HSPA12A: variants seen among roughly 807,000 people sequenced by gnomAD.
HSPA12A encodes the protein heat shock protein family A (Hsp70) member 12A, also known as heat shock 70 kDa protein 12A.
In HSPA12A, 28 loss-of-function variants were observed where a neutral mutation model predicts 69.2. The ratio of observed to expected loss-of-function variants is 0.40; its 90% CI spans 0.30 to 0.55. The LOEUF is 0.55. Ranked by LOEUF, HSPA12A falls within the 20% of genes least tolerant of loss-of-function variation. The probability of loss-of-function intolerance (pLI) is 0.38; values close to 1 mark genes in which losing one functional copy is unlikely to be tolerated. For synonymous variants in HSPA12A, 345 were observed against 370.5 expected, an observed-to-expected ratio of 0.93 and a Z score of 0.79; for missense variants, 686 against 900.7, an observed-to-expected ratio of 0.76 and a Z score of 3.05.
intron 1 of HSPA12A, among the ~76,000 whole-genome samples, chr10:116,738,626 G>A (rs561265330): frequency 8.5e-5 from 13 of 152,268 alleles, no homozygotes; most frequent in African/African-American, 2.4e-4. Flanking sequence ...CTGGCATATC[G>A]TAGGGCCTCA....
chr10:116,834,201 C>A (rs1256985415), intron 2 of HSPA12A, among the ~76,000 whole-genome samples: 1 of 152,208 alleles, frequency 6.6e-6, no homozygotes, highest in East Asian at 1.9e-4. Flanking sequence ...CGGCTTGTCA[C>A]CGGTTGCACT....
Position 116,798,193 on chromosome 10 carries a change from G to T in HSPA12A, c.91+36742C>A, listed in dbSNP as rs1031452561. On this transcript the variant is annotated intron_variant, in intron 2 of 12. Coordinates refer to the HSPA12A transcript ENST00000635765. ...GGGCGGGGCGGTGGGGCGGGGTGGG[G>T]CAGGGAGCAGGGGTGGCAGGAGGGA... Among the ~76,000 whole-genome samples the T allele has an allele frequency of 1.4e-3, 214 of 150,016 alleles. 2 individuals are homozygous for T. Among genetic ancestry groups the T allele is most frequent in the African/African-American group, 4.8e-3 (198 of 41,014 alleles).
intron 1 of HSPA12A, among the ~76,000 whole-genome samples, chr10:116,726,395 A>G (rs1288069157): frequency 6.6e-6 from 1 of 150,918 alleles, no homozygotes; most frequent in East Asian, 1.9e-4. Context: ...CTCTCTCCCC[A>G]CGCATGCATG....
intron 2 of HSPA12A, among the ~76,000 whole-genome samples, chr10:116,784,213 G>A (rs1286978443): frequency 6.6e-6 from 1 of 152,204 alleles, no homozygotes; most frequent in Non-Finnish European, 1.5e-5. Context: ...AGCTTCCCTT[G>A]TGGCTAGGCT....
intron 1 of HSPA12A, among the ~76,000 whole-genome samples, chr10:116,729,341 A>G (rs916823727): frequency 6.6e-6 from 1 of 152,072 alleles, no homozygotes; most frequent in Non-Finnish European, 1.5e-5. Flanking sequence ...ATCCCCCACC[A>G]TCGGAGGTGG....
At chr10:116,721,170 G>A (rs1850764725) in intron 1 of HSPA12A, among the ~76,000 whole-genome samples, 2 of 152,204 alleles carry the variant, frequency 1.3e-5, no homozygotes, top group South Asian at 4.1e-4. Flanking sequence ...TTTAGACTTT[G>A]CTAAGTTAAG....
At chr10:116,680,667 G>A (rs542774599) in intron 9 of HSPA12A, among the ~76,000 whole-genome samples, 1 of 152,268 alleles carries the variant, frequency 6.6e-6, no homozygotes, top group Admixed American at 6.5e-5. Flanking sequence ...TGTATTTTTA[G>A]TAGAGACAGG....
chr10:116,681,391 C>G, intron 8 of HSPA12A, 135 bp from the exon 9 acceptor site: 1 of 689,738 alleles, frequency 1.4e-6, no homozygotes, highest in Middle Eastern at 3.8e-4. Flanking sequence ...TGCTAATTAG[C>G]AGCTCTAGGA....
At chr10:116,753,584 G>C (rs1347735376) in intron 2 of HSPA12A, among the ~76,000 whole-genome samples, 1 of 152,066 alleles carries the variant, frequency 6.6e-6, no homozygotes, top group Admixed American at 6.5e-5. Flanking sequence ...CAACTTTGCT[G>C]CTTCTTAGTT....
At chr10:116,810,589 G>A (rs1372923857) in intron 2 of HSPA12A, among the ~76,000 whole-genome samples, 1 of 152,120 alleles carries the variant, frequency 6.6e-6, no homozygotes, top group African/African-American at 2.4e-5. Context: ...CTCTGCAGAT[G>A]GTCTAACCCA....
chr10:116,847,055 T>C (rs1845900787), intron 1 of HSPA12A, among the ~76,000 whole-genome samples: 1 of 152,194 alleles, frequency 6.6e-6, no homozygotes, highest in Admixed American at 6.5e-5. Flanking sequence ...GTGGATGTTG[T>C]CTATCAGGAT....
chr10:116,690,231 T>C (rs1554879999), intron 6 of HSPA12A, among the ~76,000 whole-genome samples: 1 of 152,154 alleles, frequency 6.6e-6, no homozygotes, highest in African/African-American at 2.4e-5. Context: ...TGCCTCCCAA[T>C]ACACCCCTCT....
At chr10:116,725,620 G>T (rs573372517) in intron 1 of HSPA12A, among the ~76,000 whole-genome samples, 8 of 152,256 alleles carry the variant, frequency 5.3e-5, no homozygotes, top group African/African-American at 1.9e-4. Flanking sequence ...GGAGAGATGT[G>T]AGGACTGAGG....
chr10:116,790,089 T>C (rs1844667979), intron 2 of HSPA12A, among the ~76,000 whole-genome samples: 1 of 129,888 alleles, frequency 7.7e-6, no homozygotes, highest in Non-Finnish European at 1.6e-5. Flanking sequence ...CCTGATAATC[T>C]TTCTTTTTTT....
chr10:116,832,543 T>C (rs941827066), intron 2 of HSPA12A: 1 of 152,246 alleles, frequency 6.6e-6, no homozygotes, highest in Admixed American at 6.5e-5. Flanking sequence ...CTGTTTTGAA[T>C]ACCTCTAGAT....
At chr10:116,810,125 C>T (rs369300102) in intron 2 of HSPA12A, among the ~76,000 whole-genome samples, 4 of 152,168 alleles carry the variant, frequency 2.6e-5, no homozygotes, top group African/African-American at 9.7e-5. Context: ...GTGCTGGGGT[C>T]GCAAGGTGTT....
chr10:116,804,890 A>G (rs1845035548), intron 2 of HSPA12A, among the ~76,000 whole-genome samples: 1 of 152,148 alleles, frequency 6.6e-6, no homozygotes, highest in Non-Finnish European at 1.5e-5. Flanking sequence ...AGCTCTGATC[A>G]ATGTTTCTTT....
At chr10:116,705,421 C>G (rs894186828) in intron 2 of HSPA12A, 143 bp from the exon 3 acceptor site, 1 of 1,051,128 alleles carries the variant, frequency 9.5e-7, no homozygotes, top group African/African-American at 1.6e-5. Context: ...AGTCTACCAC[C>G]TGGGGAGAAG....
At chr10:116,761,251 C>T (rs552135101) in intron 2 of HSPA12A, among the ~76,000 whole-genome samples, 4 of 151,832 alleles carry the variant, frequency 2.6e-5, no homozygotes, top group South Asian at 2.1e-4. Context: ...TTTGGGAGGC[C>T]GAGGCAGGTG....
Sources: gnomAD v4.1 joint callset for allele counts (sites outside exome capture counted in the v4.1 genomes callset) on GRCh38, gnomAD v4.1.1 for gene constraint, MANE v1.5 for transcripts, NCBI Gene and HGNC (gene_info 2026-07-23, HGNC 2026-07-21) for gene names.